ZFP28: variants seen among roughly 807,000 people sequenced by gnomAD.
ZFP28 encodes zinc finger protein 28 homolog.
Under a neutral mutation model 39.5 loss-of-function variants are expected in ZFP28, and 31 were observed. The observed-to-expected ratio is 0.79, with a 90% CI of 0.59 to 1.06. The LOEUF (loss-of-function observed/expected upper bound fraction) is 1.06. ZFP28 is among the 50% of genes least tolerant of loss of function. ZFP28 has a pLI of 0.00. For missense variants in ZFP28, 925 were observed against 1,048.4 expected (o/e 0.88, Z 1.63); for synonymous variants, 400 against 378.6 (o/e 1.06, Z -0.66).
Position 56,554,626 on chromosome 19 carries a change from A to C in ZFP28, c.1841A>C (p.Glu614Ala). ...AGTCATTTAAGGATTCATACTGGGG[A>C]GAAGCCTTTTGAATGTGCGGAGTGT... is the stretch of plus-strand genomic sequence containing the variant. Reference protein sequence around the residue: ...LASHLRIHTGEKPFECAECGK... With the variant: ...LASHLRIHTGAKPFECAECGK... The change falls in exon 8 of 8, where the codon GAG becomes GCG. Residue 614 changes from glutamate (E) to alanine (A), a missense_variant. Around this residue, in one of 2 missense-constraint regions of ZFP28, gnomAD observed 369 missense variants for 505.5 expected, o/e 0.73. Transcript: ENST00000301318. This position sits in a 1 kb window ranked among gnomAD's most constrained non-coding sequence, Gnocchi z 6.7. The C allele has an allele frequency of 6.2e-7, 1 of 1,613,324 alleles. No homozygotes were observed. Among genetic ancestry groups the C allele is most frequent in the Non-Finnish European group, 8.5e-7 (1 of 1,179,306 alleles).
chr19:56,552,203 C>T (rs1257809403), intron 7 of ZFP28: 1 of 166,286 alleles, frequency 6.0e-6, no homozygotes, highest in Non-Finnish European at 1.2e-5. Context: ...TACATATCTT[C>T]TTGCTTACAT....
chr19:56,538,230 C>A (rs961557499), upstream of ZFP28: 1 of 152,262 alleles, frequency 6.6e-6, no homozygotes, highest in Non-Finnish European at 1.5e-5. Context: ...TCTACATCCC[C>A]CTTCCTAGCC....
At chr19:56,551,198 T>G (rs2044299010) in intron 7 of ZFP28, 1 of 986,646 alleles carries the variant, frequency 1.0e-6, no homozygotes, top group Non-Finnish European at 1.2e-6. Flanking sequence ...GTAGGACAGG[T>G]GGGTAGAAGT....
chr19:56,539,724 G>A lies in ZFP28; in HGVS notation c.300+8G>A, dbSNP rs2044178265. The A allele has an allele frequency of 6.2e-7, 1 of 1,613,010 alleles. No individual in the cohort carries two copies. The highest frequency in any genetic ancestry group is 1.3e-5 in the African/African-American group (1 of 74,888). The stretch of plus-strand genomic sequence containing the variant: ...CCTAAAGCCATGTCCCAGGTGAGTT[G>A]GCATTTCATCTCTTGTCTCTGAAAT... On this transcript the variant is annotated splice_region_variant and intron_variant, in intron 2 of 7. Transcript: ENST00000301318.
At chr19:56,551,002 G>A (rs2044296742) in intron 7 of ZFP28, 1 of 1,298,922 alleles carries the variant, frequency 7.7e-7, no homozygotes, top group East Asian at 3.3e-5. Context: ...GAGCCACTCT[G>A]CTGAGTATTG....
intron 5 of ZFP28, among the ~76,000 whole-genome samples, chr19:56,549,687 A>AT (rs1296590467): frequency 6.6e-6 from 1 of 152,056 alleles, no homozygotes; most frequent in Admixed American, 6.6e-5. Context: ...AAAAAAAAAA[A>AT]GCTTTGAGCA....
intron 2 of ZFP28, among the ~76,000 whole-genome samples, chr19:56,540,639 G>C (rs1220676707): frequency 6.6e-6 from 1 of 152,184 alleles, no homozygotes; most frequent in African/African-American, 2.4e-5. Context: ...TGGCAAACTT[G>C]TGCTGGATGA....
chr19:56,555,043 G>A lies in ZFP28; in HGVS notation c.2258G>A (p.Gly753Glu). Residue 753 changes from glycine to glutamate, a missense_variant, in exon 8 of 8, where the codon GGA becomes GAA. Physicochemically the swap from Gly to Glu is moderately conservative, Grantham distance 98 (BLOSUM62 -2). Transcript: ENST00000301318. ...ATTTGTCATCGCAGAAGTCATACTGGAGAAAAACCTTATGAATGCAGTGTG... is the reference window on the plus strand; with the variant it reads ...ATTTGTCATCGCAGAAGTCATACTGAAGAAAAACCTTATGAATGCAGTGTG... ...SLICHRRSHT[G>E]EKPYECSVCG... The A allele has an allele frequency of 6.2e-7, 1 of 1,614,152 alleles. No homozygotes were observed. The highest frequency in any genetic ancestry group is 8.5e-7 in the Non-Finnish European group (1 of 1,180,026).
In ZFP28 at chr19:56,556,759, G is replaced by C. The variant is rs933880805; in HGVS notation, c.*1367G>C. 2.6e-5 allele frequency: 4 copies of C among 151,976 alleles called. No individual in the cohort carries two copies. Among genetic ancestry groups the C allele is most frequent in the Non-Finnish European group, 5.9e-5 (4 of 68,002 alleles). 9.4% of individuals were successfully genotyped at this position (151,976 alleles called of 1,614,324 possible). A position where few individuals can be genotyped will look rare whatever the true frequency, so the allele number is the denominator to read the frequency against. ...TGAAAGGAAATTATTAAACTATATT[G>C]AAAAATAAAGATGTCAATAAAAGGA... On this transcript the variant is annotated 3_prime_UTR_variant, in exon 8 of 8. Transcript: ENST00000301318.
chr19:56,553,993 A>G lies in ZFP28; in HGVS notation c.1208A>G (p.Lys403Arg). 1.2e-6 allele frequency: 2 copies of G among 1,611,184 alleles called. No individual in the cohort carries two copies. The highest frequency in any genetic ancestry group is 1.7e-6 in the Non-Finnish European group (2 of 1,179,320). The change falls in exon 8 of 8, where the codon AAA becomes AGA. Residue 403 changes from lysine to arginine, a missense_variant. Physicochemically the swap from Lys to Arg is conservative, Grantham distance 26. Coordinates refer to ENST00000301318, the MANE Select transcript of ZFP28 (RefSeq NM_020828.2). ...HNRDSIKNFQ[K>R]SSVVIKQTGI... is the part of the protein sequence containing the mutation. Reference sequence around the variant, plus strand: ...CGTGATTCAATTAAAAATTTTCAAAAAAGTTCAGTGGTAATAAAACAAACA... The same window carrying G: ...CGTGATTCAATTAAAAATTTTCAAAGAAGTTCAGTGGTAATAAAACAAACA...
intron 2 of ZFP28, among the ~76,000 whole-genome samples, chr19:56,544,248 A>G (rs969998912): frequency 1.3e-5 from 2 of 152,260 alleles, no homozygotes; most frequent in African/African-American, 4.8e-5. Context: ...ATTATGGCCT[A>G]TAGGCCAAAT....
upstream of ZFP28, among the ~76,000 whole-genome samples, chr19:56,538,771 GC>G (rs1878141431): frequency 1.3e-3 from 1 of 742 alleles, no homozygotes; most frequent in Non-Finnish European, 2.3e-3. Flanking sequence ...AGGCTGAGGG[GC>G]GGGGCGGGGC....
In ZFP28 at chr19:56,542,475, A is replaced by G. The variant is rs138494411; in HGVS notation, c.300+2759A>G. ...GACAATAATTGTATTTTCAGTCTGC[A>G]TTTGGTTGAAAAAATTTGCATATAG... is the stretch of plus-strand genomic sequence containing the variant. On this transcript the variant is annotated intron_variant, in intron 2 of 7. Transcript: ENST00000301318. Among the ~76,000 whole-genome samples the G allele has an allele frequency of 6.2e-4, 94 of 152,318 alleles. 2 individuals are homozygous for G. The East Asian group carries it at 0.017, about 28-fold the overall frequency.
In ZFP28 at chr19:56,539,222, C is replaced by T. The variant is rs956610797; in HGVS notation, c.204C>T (p.His68=). ...GAGCGGCCCCTACGGGGCCTGGGCA[C>T]AGAGGTGAGAGTGACAGGTGTTTGG... The part of the protein sequence containing the change: ...QRGAAPTGPG[H]RALPSRDTAL... Residue 68 remains histidine, a synonymous_variant, in exon 1 of 8, where the codon CAC becomes CAT. Coordinates refer to ENST00000301318, the MANE Select transcript of ZFP28 (RefSeq NM_020828.2). 14 of 1,593,936 alleles carry T rather than the reference C, an allele frequency of 8.8e-6. No homozygotes were observed. The highest frequency in any genetic ancestry group is 1.2e-5 in the Non-Finnish European group (14 of 1,175,080).
chr19:56,551,027 A>G, intron 7 of ZFP28: 1 of 1,228,524 alleles, frequency 8.1e-7, no homozygotes, highest in Non-Finnish European at 1.0e-6. Flanking sequence ...GCGATTGGAA[A>G]AAGGGAGAAT....
chr19:56,539,091 C>T lies in ZFP28; in HGVS notation c.73C>T (p.Pro25Ser), dbSNP rs532836261. 7.1e-6 allele frequency: 11 copies of T among 1,539,892 alleles called. No individual in the cohort carries two copies. In the Admixed American group the frequency reaches 1.9e-4, roughly 27 times the overall value. ...LPGRGAPRTK[P>S]RAGRGPTVGT... ...GGGTAGAGGCGCCCCCCGCACAAAG[C>T]CCCGGGCGGGCCGAGGCCCGACTGT... The change falls in exon 1 of 8, where the codon CCC becomes TCC. Residue 25 changes from proline to serine, a missense_variant. Pro to Ser is a moderately conservative substitution (Grantham distance 74). Around this residue, in one of 2 missense-constraint regions of ZFP28, gnomAD observed 556 missense variants for 542.9 expected, o/e 1.02. Coordinates refer to ENST00000301318, the MANE Select transcript of ZFP28 (RefSeq NM_020828.2).
Position 56,539,083 on chromosome 19 carries a change from G to T in ZFP28, c.65G>T (p.Arg22Leu), listed in dbSNP as rs770418834. The T allele has an allele frequency of 2.2e-5, 34 of 1,533,124 alleles. No individual in the cohort carries two copies. Among genetic ancestry groups the T allele is most frequent in the Non-Finnish European group, 2.8e-5 (32 of 1,145,154 alleles). 95.0% of individuals were successfully genotyped at this position (1,533,124 alleles called of 1,614,324 possible). A position where few individuals can be genotyped will look rare whatever the true frequency, so the allele number is the denominator to read the frequency against. The change falls in exon 1 of 8, where the codon CGC becomes CTC. Residue 22 changes from arginine (R) to leucine (L), a missense_variant. Physicochemically the swap from Arg to Leu is moderately radical, Grantham distance 102. Around this residue, in one of 2 missense-constraint regions of ZFP28, gnomAD observed 556 missense variants for 542.9 expected, o/e 1.02. Transcript: ENST00000301318. ...PTPLPGRGAP[R>L]TKPRAGRGPT... ...CCGCTCCCGGGTAGAGGCGCCCCCC[G>T]CACAAAGCCCCGGGCGGGCCGAGGC... is the stretch of plus-strand genomic sequence containing the variant.
intron 7 of ZFP28, among the ~76,000 whole-genome samples, chr19:56,553,343 C>T (rs1411026800): frequency 6.6e-6 from 1 of 152,098 alleles, no homozygotes; most frequent in East Asian, 1.9e-4. Flanking sequence ...GCCTTTGCCT[C>T]CTGAGTAGCT....
At chr19:56,540,888 CCTGA>C (rs2044189784) in intron 2 of ZFP28, among the ~76,000 whole-genome samples, 1 of 146,414 alleles carries the variant, frequency 6.8e-6, no homozygotes, top group Non-Finnish European at 1.5e-5. Context: ...CTTTCATCTT[CCTGA>C]CTGCTCAGTT....
Sources: allele counts gnomAD v4.1 joint callset (sites outside exome capture counted in the v4.1 genomes callset), GRCh38; gene constraint gnomAD v4.1.1; regional missense constraint gnomAD v4.1.1; non-coding constraint Gnocchi (gnomAD v3.1); transcripts MANE v1.5; gene names NCBI Gene and HGNC (gene_info 2026-07-23, HGNC 2026-07-21).